NUMB: variants seen among roughly 807,000 people sequenced by gnomAD.
The protein encoded by NUMB is protein numb homolog.
In NUMB, 29 loss-of-function variants were observed where a neutral mutation model predicts 59.7. That is an observed-to-expected ratio of 0.49 (90% CI 0.36 to 0.66). The LOEUF (loss-of-function observed/expected upper bound fraction) is 0.66, where lower values mean the gene tolerates loss of function less well. Among genes scored for constraint, NUMB ranks in the 30% least tolerant of loss-of-function variants. The pLI is 0.00. For missense variants in NUMB, 723 were observed against 822.0 expected (o/e 0.88, Z 1.47); for synonymous variants, 288 against 288.2 (o/e 1.00, Z 0.01).
intron 4 of NUMB, among the ~76,000 whole-genome samples, chr14:73,349,027 A>G (rs1450028830): frequency 6.6e-6 from 1 of 152,238 alleles, no homozygotes; most frequent in African/African-American, 2.4e-5. Context: ...CTCCATATTC[A>G]TTCTGCAGTT....
At chr14:73,436,853 C>T (rs1010641897) in intron 1 of NUMB, among the ~76,000 whole-genome samples, 1 of 151,194 alleles carries the variant, frequency 6.6e-6, no homozygotes, top group African/African-American at 2.4e-5. Flanking sequence ...GTGGTGCCTG[C>T]CTGTAATCCC....
chr14:73,445,130 C>T (rs1160230883), intron 1 of NUMB, among the ~76,000 whole-genome samples: 1 of 151,758 alleles, frequency 6.6e-6, no homozygotes, highest in South Asian at 2.1e-4. Flanking sequence ...ACACTACTAA[C>T]GTGGGTGCAG....
intron 4 of NUMB, among the ~76,000 whole-genome samples, chr14:73,344,464 A>G (rs1427802134): frequency 6.6e-6 from 1 of 152,224 alleles, no homozygotes. Flanking sequence ...CTTATCTCAG[A>G]AAGGTGTGGT....
intron 2 of NUMB, among the ~76,000 whole-genome samples, chr14:73,374,057 C>T (rs931789017): frequency 3.3e-5 from 5 of 151,956 alleles, no homozygotes; most frequent in Non-Finnish European, 4.4e-5. Flanking sequence ...TTAGTAGATA[C>T]GGGGTTTCAC....
At chr14:73,382,152 T>C (rs1895272974) in intron 2 of NUMB, among the ~76,000 whole-genome samples, 1 of 152,200 alleles carries the variant, frequency 6.6e-6, no homozygotes, top group Admixed American at 6.5e-5. Context: ...TTTAAAATTA[T>C]TATTATTTTT....
chr14:73,394,796 CT>C (rs200420198), intron 2 of NUMB, among the ~76,000 whole-genome samples: 5 of 151,136 alleles, frequency 3.3e-5, no homozygotes, highest in Non-Finnish European at 5.9e-5. Context: ...TCTGTCTTTT[CT>C]TTTTTTTTGC....
chr14:73,348,274 A>G (rs924678865), intron 4 of NUMB, among the ~76,000 whole-genome samples: 7 of 152,212 alleles, frequency 4.6e-5, no homozygotes, highest in Non-Finnish European at 1.0e-4. Context: ...TGGGGAGGGA[A>G]GGAGTGACAC....
intron 2 of NUMB, among the ~76,000 whole-genome samples, chr14:73,367,589 CAT>C (rs1202902520): frequency 6.6e-6 from 1 of 151,526 alleles, no homozygotes; most frequent in Non-Finnish European, 1.5e-5. Context: ...AGCTGAGCAA[CAT>C]AGGGAAACCT....
At chr14:73,303,563 G>A (rs943012089) in intron 6 of NUMB, among the ~76,000 whole-genome samples, 3 of 151,304 alleles carry the variant, frequency 2.0e-5, no homozygotes, top group Non-Finnish European at 4.4e-5. Flanking sequence ...CAGTCTGGGT[G>A]ACAGAGCGAG....
intron 1 of NUMB, among the ~76,000 whole-genome samples, chr14:73,440,304 T>C (rs935304782): frequency 2.6e-5 from 4 of 151,446 alleles, no homozygotes; most frequent in Non-Finnish European, 4.4e-5. Context: ...TCTATAGATA[T>C]CCATATATCT....
intron 1 of NUMB, among the ~76,000 whole-genome samples, chr14:73,439,759 G>C (rs1031965228): frequency 1.3e-5 from 2 of 152,174 alleles, no homozygotes; most frequent in Non-Finnish European, 2.9e-5. Context: ...GTGAATTAAA[G>C]AGGAGAAAGG....
chr14:73,320,794 A>C (rs1219924177), intron 5 of NUMB, among the ~76,000 whole-genome samples: 5 of 152,032 alleles, frequency 3.3e-5, no homozygotes, highest in Admixed American at 1.3e-4. Context: ...AATTCTGATG[A>C]ATATAAAAAC....
chr14:73,436,649 A>T (rs763833933), intron 1 of NUMB, among the ~76,000 whole-genome samples: 6 of 152,084 alleles, frequency 3.9e-5, no homozygotes, highest in African/African-American at 7.2e-5. Context: ...ACCTTTCAGA[A>T]GCAAATAAGT....
chr14:73,402,963 A>G (rs1021340508), intron 2 of NUMB, among the ~76,000 whole-genome samples: 1 of 152,236 alleles, frequency 6.6e-6, no homozygotes. Flanking sequence ...ATGTAATCAT[A>G]TAACTGTGAC....
chr14:73,377,820 A>C (rs930699944), intron 2 of NUMB, among the ~76,000 whole-genome samples: 1 of 152,160 alleles, frequency 6.6e-6, no homozygotes, highest in Non-Finnish European at 1.5e-5. Flanking sequence ...TACAAAAATT[A>C]GCCAGGTGTG....
intron 4 of NUMB, among the ~76,000 whole-genome samples, chr14:73,345,878 G>T (rs1021219613): frequency 6.6e-6 from 1 of 151,642 alleles, no homozygotes; most frequent in Non-Finnish European, 1.5e-5. Context: ...AGTGTACTCC[G>T]CCCTGGGGGA....
At chr14:73,422,997 TATC>T (rs911385895) in intron 1 of NUMB, among the ~76,000 whole-genome samples, 21 of 151,820 alleles carry the variant, frequency 1.4e-4, no homozygotes, top group African/African-American at 5.1e-4. Flanking sequence ...AACTGACAGA[TATC>T]ATAAGACAGA....
At chr14:73,296,466 A>T (rs1799355935) in intron 7 of NUMB, among the ~76,000 whole-genome samples, 2 of 151,620 alleles carry the variant, frequency 1.3e-5, no homozygotes. Flanking sequence ...AAGAACTCAG[A>T]TCTTAACACT....
intron 1 of NUMB, among the ~76,000 whole-genome samples, chr14:73,441,461 C>G (rs1470637735): frequency 6.6e-6 from 1 of 152,040 alleles, no homozygotes; most frequent in Non-Finnish European, 1.5e-5. Context: ...AGCTTGAACC[C>G]AGGAGGGAGA....
Sources: gnomAD v4.1 joint callset for allele counts (sites outside exome capture counted in the v4.1 genomes callset) on GRCh38, gnomAD v4.1.1 for gene constraint, MANE v1.5 for transcripts, NCBI Gene and HGNC (gene_info 2026-07-23, HGNC 2026-07-21) for gene names.